The following RANBP3L variants were observed in gnomAD, a reference collection of about 807,000 sequenced individuals.
RANBP3L encodes the protein ran-binding protein 3-like.
RANBP3L carries 56 observed loss-of-function variants against 67.2 expected under a neutral mutation model. The ratio of observed to expected loss-of-function variants is 0.83; its 90% CI spans 0.67 to 1.04. The LOEUF (loss-of-function observed/expected upper bound fraction) is 1.04. Ranked by LOEUF, RANBP3L falls within the 50% of genes least tolerant of loss-of-function variation. The pLI, the probability that RANBP3L is intolerant of heterozygous loss-of-function variation, is 0.00. For synonymous variants in RANBP3L, 164 were observed against 181.4 expected (o/e 0.90, Z 0.77); for missense variants, 496 against 535.5 (o/e 0.93, Z 0.73).
intron 1 of RANBP3L, among the ~76,000 whole-genome samples, chr5:36,271,867 A>C (rs1477590154): frequency 2.6e-5 from 4 of 152,200 alleles, no homozygotes; most frequent in Admixed American, 1.3e-4. Flanking sequence ...ATTTGTCTTC[A>C]ACCTTGCCAG....
Position 36,265,088 on chromosome 5 carries a change from T to C in RANBP3L, c.351A>G (p.Lys117=). 1.2e-6 allele frequency: 2 copies of C among 1,601,458 alleles called. No homozygotes were observed. The highest frequency in any genetic ancestry group is 1.7e-5 in the Admixed American group (1 of 59,618). ...CAGGTCTAATAACATGTTTAGAATGTTTCACAGGACCTTAAAAGAATAGAA... is the reference window on the plus strand; with the variant it reads ...CAGGTCTAATAACATGTTTAGAATGCTTCACAGGACCTTAAAAGAATAGAA... ...DIKSAEQGPV[K]HSKHVIRPAI... The change falls in exon 6 of 14, where the codon AAA becomes AAG. Residue 117 remains lysine, a synonymous_variant. Coordinates refer to ENST00000296604, the MANE Select transcript of RANBP3L (RefSeq NM_145000.5).
chr5:36,291,453 G>A (rs1441729240), intron 1 of RANBP3L, among the ~76,000 whole-genome samples: 2 of 150,946 alleles, frequency 1.3e-5, no homozygotes, highest in Non-Finnish European at 2.9e-5. Context: ...CAATGTGCAG[G>A]TTAGTTACAT....
At position 36,301,379 on chromosome 5, in the gene RANBP3L, G is replaced by A. The variant is rs369444875; in HGVS notation, c.38C>T (p.Pro13Leu). Residue 13 changes from proline (P) to leucine (L), a missense_variant, in exon 1 of 14, where the codon CCT becomes CTT. Transcript: ENST00000296604. The stretch of plus-strand genomic sequence containing the variant: ...CAGTTTACAGGTGTGCAAACTGCCA[G>A]GCAGGTGGCTGCTGCCTTTTCTTGG... ...TIPRKGSSHL[P>L]GSLHTCKLKL... is the part of the protein sequence containing the mutation. 2.0e-5 allele frequency: 32 copies of A among 1,613,666 alleles called. No homozygotes were observed. The African/African-American group carries it at 3.7e-4, about 19-fold the overall frequency.
chr5:36,277,432 A>C, intron 1 of RANBP3L, among the ~76,000 whole-genome samples: 1 of 98,032 alleles, frequency 1.0e-5, no homozygotes, highest in South Asian at 4.9e-4. Flanking sequence ...CTATATATAT[A>C]TATATATATG....
intron 7 of RANBP3L, among the ~76,000 whole-genome samples, chr5:36,261,399 GCATCCCCAATGCA>G (rs1749377979): frequency 6.6e-6 from 1 of 152,044 alleles, no homozygotes; most frequent in African/African-American, 2.4e-5. Flanking sequence ...GTTCGGCATT[GCATCCCCAATGCA>G]CATAGAAGGC....
intron 1 of RANBP3L, among the ~76,000 whole-genome samples, chr5:36,300,448 C>T (rs1346115315): frequency 2.0e-5 from 3 of 152,066 alleles, no homozygotes; most frequent in Admixed American, 6.6e-5. Context: ...GGTTTTGGCC[C>T]TTTAGCCAAC....
Position 36,264,967 on chromosome 5 carries a change from T to C in RANBP3L, c.472A>G (p.Asn158Asp). 1 of 1,612,344 alleles carries C rather than the reference T, an allele frequency of 6.2e-7. No individual in the cohort carries two copies. The change falls in exon 6 of 14, where the codon AAT (asparagine) becomes GAT (aspartate). Residue 158 changes from asparagine to aspartate, a missense_variant. Asn to Asp is a conservative substitution (Grantham distance 23, BLOSUM62 1). Transcript: ENST00000296604. The part of the protein sequence containing the change: ...LESCKTKEKT[N>D]NKISEGNSYL... ...ATCCTGGGCTTTCTCACCTTATTATTTGTTTTTTCTTTAGTCTTGCAAGAT... is the reference window on the plus strand; with the variant it reads ...ATCCTGGGCTTTCTCACCTTATTATCTGTTTTTTCTTTAGTCTTGCAAGAT...
intron 1 of RANBP3L, among the ~76,000 whole-genome samples, chr5:36,297,594 C>T (rs1752321181): frequency 1.3e-5 from 2 of 152,216 alleles, no homozygotes; most frequent in Non-Finnish European, 2.9e-5. Context: ...GGTTGTCTGC[C>T]TAGTACATGT....
At chr5:36,282,546 G>GAGA (rs1751040826) in intron 1 of RANBP3L, among the ~76,000 whole-genome samples, 1 of 152,146 alleles carries the variant, frequency 6.6e-6, no homozygotes, top group South Asian at 2.1e-4. Context: ...AGGCCGGATG[G>GAGA]AGAAGCTTGA....
chr5:36,288,879 T>G (rs1751512023), intron 1 of RANBP3L, among the ~76,000 whole-genome samples: 1 of 152,136 alleles, frequency 6.6e-6, no homozygotes, highest in Admixed American at 6.6e-5. Flanking sequence ...AAATATATAT[T>G]TGACATTTTT....
chr5:36,255,982 A>AT (rs1169979141), intron 10 of RANBP3L, among the ~76,000 whole-genome samples: 3 of 152,036 alleles, frequency 2.0e-5, no homozygotes, highest in African/African-American at 7.2e-5. Context: ...ATACTTTCTG[A>AT]TTTTTTAACA....
chr5:36,286,131 G>A (rs1751311744), intron 1 of RANBP3L, among the ~76,000 whole-genome samples: 2 of 152,190 alleles, frequency 1.3e-5, no homozygotes, highest in Middle Eastern at 3.4e-3. Context: ...GCTAATTAAT[G>A]TTTGTTTAGT....
intron 7 of RANBP3L, among the ~76,000 whole-genome samples, chr5:36,261,248 G>A (rs1047295606): frequency 6.6e-6 from 1 of 152,090 alleles, no homozygotes; most frequent in Admixed American, 6.6e-5. Flanking sequence ...GGGCAAAAGC[G>A]AAACCCTGTC....
rs374005125 is a variant in RANBP3L at position 36,277,207 on chromosome 5, C to T, written c.92-5896G>A. Among the ~76,000 whole-genome samples, 5 of 152,106 alleles carry T rather than the reference C, an allele frequency of 3.3e-5. No homozygotes were observed. In the South Asian group the frequency reaches 1.0e-3, roughly 32 times the overall value. On this transcript the variant is annotated intron_variant, in intron 1 of 13. Transcript: ENST00000296604. ...CCTTTCCACATGTCTCTTCCACATCCTCTTCTCTAATTTCTGCTCCTTGTG... is the reference window on the plus strand; with the variant it reads ...CCTTTCCACATGTCTCTTCCACATCTTCTTCTCTAATTTCTGCTCCTTGTG...
At chr5:36,299,783 A>G (rs1234585141) in intron 1 of RANBP3L, among the ~76,000 whole-genome samples, 1 of 152,194 alleles carries the variant, frequency 6.6e-6, no homozygotes, top group African/African-American at 2.4e-5. Flanking sequence ...ACAGTGTGCA[A>G]CTGTTAAAAA....
Position 36,265,028 on chromosome 5 carries a change from T to C in RANBP3L, c.411A>G (p.Ala137=). The C allele has an allele frequency of 6.2e-7, 1 of 1,613,980 alleles. No homozygotes were observed. The highest frequency in any genetic ancestry group is 8.5e-7 in the Non-Finnish European group (1 of 1,179,852). The change falls in exon 6 of 14, where the codon GCA becomes GCG. Residue 137 remains alanine (A), a synonymous_variant. Transcript: ENST00000296604. ...ILQLPQARSC[A]KVRKTFGHKA... The stretch of plus-strand genomic sequence containing the variant: ...TGTGTCCAAATGTTTTTCTTACTTT[T>C]GCACAACTTCGAGCTTGAGGTAGCT...
In RANBP3L at chr5:36,268,317, T is replaced by G. The variant is rs1260546533; in HGVS notation, c.268+1073A>C. 1.0e-5 allele frequency: 14 copies of G among 1,334,674 alleles called. No homozygotes were observed. In the East Asian group the frequency reaches 3.6e-4, roughly 34 times the overall value. The allele number at this position is 1,334,674 out of a possible 1,614,324, so 82.7% of individuals were successfully genotyped here. On this transcript the variant is annotated intron_variant, in intron 4 of 13. Coordinates refer to ENST00000296604, the MANE Select transcript of RANBP3L (RefSeq NM_145000.5). ...TCAGTAAGAAAGTGGGTTTTTTGTT[T>G]TGTTTTCATTTGGAGTTTTGCTGTT... is the stretch of plus-strand genomic sequence containing the variant.
intron 1 of RANBP3L, among the ~76,000 whole-genome samples, chr5:36,287,727 C>T (rs1378597157): frequency 6.6e-6 from 1 of 152,160 alleles, no homozygotes; most frequent in Non-Finnish European, 1.5e-5. Flanking sequence ...CTGTGCTAAT[C>T]TCATTGATTA....
chr5:36,278,830 CA>C (rs762814617), intron 1 of RANBP3L, among the ~76,000 whole-genome samples: 1 of 152,100 alleles, frequency 6.6e-6, no homozygotes, highest in Non-Finnish European at 1.5e-5. Flanking sequence ...TTCTCACATG[CA>C]AAAGTTCGCT....
Sources: gnomAD v4.1 joint callset for allele counts (sites outside exome capture counted in the v4.1 genomes callset) on GRCh38, gnomAD v4.1.1 for gene constraint, MANE v1.5 for transcripts, NCBI Gene and HGNC (gene_info 2026-07-23, HGNC 2026-07-21) for gene names.